The following GFRA1 variants were observed in gnomAD, a reference collection of about 807,000 sequenced individuals.
The protein encoded by GFRA1 is GDNF family receptor alpha-1.
Under a neutral mutation model 51.6 loss-of-function variants are expected in GFRA1, and 16 were observed. The ratio of observed to expected loss-of-function variants is 0.31; its 90% CI spans 0.21 to 0.47. The LOEUF is 0.47. Among genes scored for constraint, GFRA1 ranks in the 20% least tolerant of loss-of-function variants. The pLI is 1.00. For synonymous variants in GFRA1, 270 were observed against 241.3 expected, an observed-to-expected ratio of 1.12 and a Z score of -1.10; for missense variants, 530 against 594.3, an observed-to-expected ratio of 0.89 and a Z score of 1.13.
At chr10:116,088,620 G>A (rs931422545) in intron 9 of GFRA1, among the ~76,000 whole-genome samples, 3 of 152,092 alleles carry the variant, frequency 2.0e-5, no homozygotes, top group African/African-American at 7.2e-5. Flanking sequence ...ACCCAAAGGG[G>A]TAAAGAATGT....
At chr10:116,212,567 T>C (rs1325794039) in intron 4 of GFRA1, among the ~76,000 whole-genome samples, 5 of 117,666 alleles carry the variant, frequency 4.2e-5, no homozygotes, top group East Asian at 5.0e-4. Context: ...CACACACACA[T>C]CTAGTTAAAA....
At chr10:116,093,527 C>T (rs1266074220) in intron 8 of GFRA1, among the ~76,000 whole-genome samples, 175 bp downstream of exon 8, 2 of 152,076 alleles carry the variant, frequency 1.3e-5, no homozygotes, top group South Asian at 2.1e-4. Flanking sequence ...CTGGATTTAC[C>T]ATCAGTGACT....
At chr10:116,096,538 C>T (rs1164621373) in intron 7 of GFRA1, 117 bp downstream of exon 7, 1 of 707,134 alleles carries the variant, frequency 1.4e-6, no homozygotes, top group Non-Finnish European at 2.6e-6. Context: ...ATCCAAACCC[C>T]AGCCCAGAGG....
At chr10:116,161,351 G>T in intron 5 of GFRA1, among the ~76,000 whole-genome samples, 1 of 152,102 alleles carries the variant, frequency 6.6e-6, no homozygotes, top group East Asian at 1.9e-4. Context: ...CAAATATGGA[G>T]ATTCTCATTT....
At chr10:116,069,817 G>A (rs1340200911) in intron 9 of GFRA1, among the ~76,000 whole-genome samples, 1 of 152,186 alleles carries the variant, frequency 6.6e-6, no homozygotes, top group Non-Finnish European at 1.5e-5. Flanking sequence ...CAGTCCCTAC[G>A]TGGGTTCTGC....
intron 5 of GFRA1, among the ~76,000 whole-genome samples, chr10:116,166,714 C>T (rs1158406708): frequency 6.6e-6 from 1 of 151,678 alleles, no homozygotes; most frequent in Non-Finnish European, 1.5e-5. Flanking sequence ...CAGTTCCTCC[C>T]ACTCCTTAAA....
At chr10:116,174,925 CG>C (rs549227366) in intron 5 of GFRA1, among the ~76,000 whole-genome samples, 273 of 152,244 alleles carry the variant, frequency 1.8e-3, no homozygotes, top group Middle Eastern at 3.4e-3. Context: ...TTTGCACCAC[CG>C]TTCCTTATAA....
intron 5 of GFRA1, among the ~76,000 whole-genome samples, chr10:116,206,194 G>A (rs1964741955): frequency 6.6e-6 from 1 of 152,060 alleles, no homozygotes; most frequent in Admixed American, 6.5e-5. Context: ...CCTGGAAGTG[G>A]TAAAAATAGA....
intron 5 of GFRA1, among the ~76,000 whole-genome samples, chr10:116,187,273 G>T (rs1962815135): frequency 6.6e-6 from 1 of 152,164 alleles, no homozygotes; most frequent in Non-Finnish European, 1.5e-5. Context: ...ATTCAAAAAT[G>T]TCCATTTGAG....
chr10:116,098,323 C>A lies in GFRA1; in HGVS notation c.771-1559G>T, dbSNP rs1956687463. Among the ~76,000 whole-genome samples the A allele has an allele frequency of 2.0e-5, 3 of 152,200 alleles. No homozygotes were observed. The South Asian group carries it at 6.2e-4, about 31-fold the overall frequency. On this transcript the variant is annotated intron_variant, in intron 6 of 10. Transcript: ENST00000355422. ...ACCTGAGTGGCAACCACGGTCCGTG[C>A]CTTGCTGGTGTTTCCTGACTTTAAT...
intron 5 of GFRA1, among the ~76,000 whole-genome samples, chr10:116,199,743 T>C (rs942329038): frequency 2.6e-5 from 4 of 152,230 alleles, no homozygotes; most frequent in Admixed American, 1.3e-4. Flanking sequence ...GAAATTTACA[T>C]ACAGTGAAAT....
chr10:116,141,354 TA>T (rs936184332), intron 5 of GFRA1, among the ~76,000 whole-genome samples: 17 of 152,294 alleles, frequency 1.1e-4, no homozygotes, highest in Admixed American at 1.1e-3. Flanking sequence ...ATTAGAAATG[TA>T]AGAGGCTGCA....
intron 5 of GFRA1, among the ~76,000 whole-genome samples, chr10:116,166,473 T>C (rs934234677): frequency 6.6e-6 from 1 of 152,190 alleles, no homozygotes; most frequent in Non-Finnish European, 1.5e-5. Flanking sequence ...ACCACTTCAC[T>C]TCTCTCTTGC....
upstream of GFRA1, among the ~76,000 whole-genome samples, chr10:116,274,055 C>T (rs1025765291): frequency 2.0e-5 from 3 of 152,226 alleles, no homozygotes; most frequent in African/African-American, 7.2e-5. Flanking sequence ...AGCTGACCTC[C>T]ATTTTGGCTG....
intron 9 of GFRA1, among the ~76,000 whole-genome samples, chr10:116,078,761 A>T (rs577901779): frequency 6.6e-6 from 1 of 152,316 alleles, no homozygotes; most frequent in South Asian, 2.1e-4. Flanking sequence ...AGAGACGATG[A>T]AAACGTCACA....
chr10:116,109,735 C>G (rs1957133534), intron 6 of GFRA1, among the ~76,000 whole-genome samples: 1 of 152,162 alleles, frequency 6.6e-6, no homozygotes, highest in Admixed American at 6.5e-5. Context: ...ACAGAGTGAC[C>G]CAGTAGGGGC....
chr10:116,243,795 C>G (rs1227215395), intron 4 of GFRA1, among the ~76,000 whole-genome samples: 1 of 152,150 alleles, frequency 6.6e-6, no homozygotes, highest in Non-Finnish European at 1.5e-5. Context: ...AGGCCCTGGT[C>G]AAGGAAACTC....
chr10:116,072,966 G>A (rs748962386), intron 9 of GFRA1, among the ~76,000 whole-genome samples: 1 of 152,102 alleles, frequency 6.6e-6, no homozygotes, highest in Non-Finnish European at 1.5e-5. Flanking sequence ...CTCTGTGGTT[G>A]ATGGTCATTC....
chr10:116,198,141 C>CA (rs1280416875), intron 5 of GFRA1, among the ~76,000 whole-genome samples: 2 of 152,206 alleles, frequency 1.3e-5, no homozygotes. Context: ...CAAACCACAG[C>CA]AGGCTTCTGA....
Sources: allele counts gnomAD v4.1 joint callset (sites outside exome capture counted in the v4.1 genomes callset), GRCh38; gene constraint gnomAD v4.1.1; transcripts MANE v1.5; gene names NCBI Gene and HGNC (gene_info 2026-07-23, HGNC 2026-07-21).